VPS13B: variants seen among roughly 807,000 people sequenced by gnomAD.
VPS13B encodes the protein vacuolar protein sorting 13 homolog B, also known as intermembrane lipid transfer protein VPS13B.
In VPS13B, 285 loss-of-function variants were observed where a neutral mutation model predicts 426.4. The ratio of observed to expected loss-of-function variants is 0.67; its 90% CI spans 0.61 to 0.74. VPS13B has a LOEUF of 0.74. Among genes scored for constraint, VPS13B ranks in the 30% least tolerant of loss-of-function variants. VPS13B has a pLI of 0.00. For missense variants in VPS13B, 4,537 were observed against 4,782.6 expected (o/e 0.95, Z 1.51); for synonymous variants, 1,676 against 1,676.4 (o/e 1.00, Z 0.01).
Position 99,013,276 on chromosome 8 carries a change from A to T in VPS13B, c.-101A>T, listed in dbSNP as rs1841415588. Reference sequence around the variant, plus strand: ...GACACACCCGGAAGTGGCGCGGTACAGGAGCAGCACTGCCGGCGGGGGCGG... The same window carrying T: ...GACACACCCGGAAGTGGCGCGGTACTGGAGCAGCACTGCCGGCGGGGGCGG... On this transcript the variant is annotated 5_prime_UTR_variant, in exon 1 of 62. Transcript: ENST00000357162. 4.3e-6 allele frequency: 1 copy of T among 233,022 alleles called. No individual in the cohort carries two copies. The allele number at this position is 233,022 out of a possible 1,614,324, so 14.4% of individuals were successfully genotyped here.
intron 5 of VPS13B, among the ~76,000 whole-genome samples, chr8:99,105,632 G>C (rs1847005867): frequency 6.6e-6 from 1 of 152,152 alleles, no homozygotes; most frequent in South Asian, 2.1e-4. Flanking sequence ...GCCTGCCTCA[G>C]CTTCCTAGAA....
At chr8:99,107,181 T>A (rs182385262) in intron 5 of VPS13B, among the ~76,000 whole-genome samples, 217 of 152,284 alleles carry the variant, frequency 1.4e-3, no homozygotes, top group African/African-American at 5.0e-3. Context: ...GCAGTTAAAA[T>A]AAGAATTGTA....
chr8:99,835,132 C>G, intron 52 of VPS13B, 65 bp from the exon 53 acceptor site: 1 of 1,604,904 alleles, frequency 6.2e-7, no homozygotes, highest in South Asian at 1.1e-5. Context: ...TAAACATGTT[C>G]CAGAGGAGAG....
intron 2 of VPS13B, among the ~76,000 whole-genome samples, chr8:99,014,227 C>T (rs1025168236): frequency 1.4e-5 from 2 of 144,230 alleles, no homozygotes; most frequent in Non-Finnish European, 3.0e-5. Flanking sequence ...AGGCAGTTCT[C>T]CTGCCGTAGC....
chr8:99,186,555 C>T (rs1371875577), intron 16 of VPS13B, among the ~76,000 whole-genome samples: 2 of 152,060 alleles, frequency 1.3e-5, no homozygotes, highest in Non-Finnish European at 2.9e-5. Context: ...AGAAAAACCC[C>T]TCTTCATTGG....
chr8:99,071,613 G>T (rs995114038), intron 3 of VPS13B, among the ~76,000 whole-genome samples: 4 of 152,106 alleles, frequency 2.6e-5, no homozygotes, highest in Admixed American at 2.6e-4. Context: ...GGCTCTTTTG[G>T]CAGCAAGTGG....
chr8:99,627,620 G>A (rs1038464887), intron 33 of VPS13B, among the ~76,000 whole-genome samples: 1 of 152,152 alleles, frequency 6.6e-6, no homozygotes. Flanking sequence ...CTGACCTCAT[G>A]TGATCTGCCT....
At chr8:99,411,705 T>C (rs1284033363) in intron 21 of VPS13B, among the ~76,000 whole-genome samples, 1 of 152,220 alleles carries the variant, frequency 6.6e-6, no homozygotes, top group Non-Finnish European at 1.5e-5. Context: ...GTCTTACATT[T>C]AAGGTTTTAA....
chr8:99,656,294 ACTC>A (rs1371196408), intron 34 of VPS13B, among the ~76,000 whole-genome samples: 1 of 152,070 alleles, frequency 6.6e-6, no homozygotes, highest in Non-Finnish European at 1.5e-5. Flanking sequence ...ACCTTCTGTT[ACTC>A]CTCATAAGAT....
At chr8:99,752,253 A>G (rs952913882) in intron 39 of VPS13B, among the ~76,000 whole-genome samples, 2 of 152,184 alleles carry the variant, frequency 1.3e-5, no homozygotes, top group Non-Finnish European at 2.9e-5. Context: ...GCCTTTACCT[A>G]TAAGATATGT....
At chr8:99,277,416 C>T (rs1008254102) in intron 19 of VPS13B, among the ~76,000 whole-genome samples, 1 of 151,974 alleles carries the variant, frequency 6.6e-6, no homozygotes, top group Non-Finnish European at 1.5e-5. Context: ...CTCATAAGTA[C>T]TATTTTTATG....
At chr8:99,463,310 A>G (rs1329130539) in intron 23 of VPS13B, among the ~76,000 whole-genome samples, 1 of 152,228 alleles carries the variant, frequency 6.6e-6, no homozygotes, top group African/African-American at 2.4e-5. Flanking sequence ...ATGTTGACAA[A>G]CAAGTCACGA....
At chr8:99,574,927 T>A (rs1825698463) in intron 31 of VPS13B, among the ~76,000 whole-genome samples, 1 of 151,958 alleles carries the variant, frequency 6.6e-6, no homozygotes, top group African/African-American at 2.4e-5. Context: ...ACTTTGAGAG[T>A]CCTAGGCAGG....
At chr8:99,459,254 C>T (rs958056790) in intron 23 of VPS13B, among the ~76,000 whole-genome samples, 1 of 152,096 alleles carries the variant, frequency 6.6e-6, no homozygotes, top group Non-Finnish European at 1.5e-5. Context: ...GGTTGATAAT[C>T]CTGTTCATTT....
intron 4 of VPS13B, among the ~76,000 whole-genome samples, chr8:99,099,715 T>A (rs1276809549): frequency 6.6e-6 from 1 of 152,132 alleles, no homozygotes; most frequent in Non-Finnish European, 1.5e-5. Flanking sequence ...ATACTGCACC[T>A]GAACAAGAAG....
chr8:99,643,262 A>T (rs1416917598), intron 34 of VPS13B, among the ~76,000 whole-genome samples: 1 of 152,160 alleles, frequency 6.6e-6, no homozygotes, highest in Non-Finnish European at 1.5e-5. Flanking sequence ...GGGTCACCTA[A>T]GATTCAGTAT....
At chr8:99,671,828 T>C (rs1363135445) in intron 35 of VPS13B, among the ~76,000 whole-genome samples, 1 of 152,134 alleles carries the variant, frequency 6.6e-6, no homozygotes, top group East Asian at 1.9e-4. Flanking sequence ...GGATCTACTT[T>C]CATTCTTCTG....
At chr8:99,575,131 A>T (rs1825717591) in intron 31 of VPS13B, among the ~76,000 whole-genome samples, 1 of 152,112 alleles carries the variant, frequency 6.6e-6, no homozygotes, top group South Asian at 2.1e-4. Context: ...GCACCACTGC[A>T]CTCCAGCCTA....
chr8:99,216,641 C>T (rs530812306), intron 17 of VPS13B, among the ~76,000 whole-genome samples: 2 of 150,500 alleles, frequency 1.3e-5, no homozygotes, highest in South Asian at 4.2e-4. Flanking sequence ...TATCTAGTAT[C>T]GTAGCCACCA....
Sources: allele counts gnomAD v4.1 joint callset (sites outside exome capture counted in the v4.1 genomes callset), GRCh38; gene constraint gnomAD v4.1.1; transcripts MANE v1.5; gene names NCBI Gene and HGNC (gene_info 2026-07-23, HGNC 2026-07-21).